The following KALRN variants were observed in gnomAD, a reference collection of about 807,000 sequenced individuals.
KALRN encodes the protein kalirin.
A neutral mutation model predicts 353.7 loss-of-function variants in KALRN; 70 were observed. That is an observed-to-expected ratio of 0.20 (90% CI 0.16 to 0.24). The LOEUF is 0.24. Ranked by LOEUF, KALRN falls within the 10% of genes least tolerant of loss-of-function variation. The probability of loss-of-function intolerance (pLI) is 1.00; values close to 1 mark genes in which losing one functional copy is unlikely to be tolerated. For synonymous variants in KALRN, 1,391 were observed against 1,434.8 expected (o/e 0.97, Z 0.69); for missense variants, 2,791 against 3,756.7 (o/e 0.74, Z 6.72).
At chr3:124,188,905 G>A (rs891282281) in intron 1 of KALRN, among the ~76,000 whole-genome samples, 9 of 152,186 alleles carry the variant, frequency 5.9e-5, no homozygotes, top group South Asian at 2.1e-4. Context: ...TAGATGCTGC[G>A]CGTGCTGTGG....
chr3:124,107,654 C>A (rs2062434078), intron 1 of KALRN, among the ~76,000 whole-genome samples: 1 of 152,154 alleles, frequency 6.6e-6, no homozygotes, highest in Non-Finnish European at 1.5e-5. Context: ...GGGAGAGAAT[C>A]CCAGACAAAT....
chr3:124,462,476 A>T (rs780983470), intron 24 of KALRN, 48 bp from the exon 25 acceptor site: 1 of 1,114,164 alleles, frequency 9.0e-7, no homozygotes, highest in Non-Finnish European at 1.4e-6. Flanking sequence ...TCTGTATTTT[A>T]TATGGCCTGC....
chr3:124,035,225 TTC>T (rs112624246), intron 1 of KALRN, among the ~76,000 whole-genome samples: 6 of 150,660 alleles, frequency 4.0e-5, no homozygotes, highest in African/African-American at 9.7e-5. Flanking sequence ...ATTTTCTTTC[TTC>T]TCTCTCTCTC....
At chr3:124,517,036 T>C (rs1261015120) in intron 33 of KALRN, among the ~76,000 whole-genome samples, 1 of 152,138 alleles carries the variant, frequency 6.6e-6, no homozygotes, top group Non-Finnish European at 1.5e-5. Flanking sequence ...CAGGTTAGTC[T>C]CGAACGCCTG....
chr3:124,344,624 A>G (rs1181970186), intron 9 of KALRN, among the ~76,000 whole-genome samples: 1 of 152,192 alleles, frequency 6.6e-6, no homozygotes, highest in Admixed American at 6.5e-5. Flanking sequence ...TTGCTTTTTG[A>G]TTTGTTAAAT....
In KALRN at chr3:124,643,257, C is replaced by T. The variant is rs1271125655; in HGVS notation, c.5664+5954C>T. ...CAAATTCCTAGCCTCAAGCAATTCT[C>T]CTGCAATGGCCTCCCAAAGTGCCAG... is the stretch of plus-strand genomic sequence containing the variant. On this transcript the variant is annotated intron_variant, in intron 37 of 59. Coordinates refer to ENST00000682506, the MANE Select transcript of KALRN (RefSeq NM_001388419.1). Among the ~76,000 whole-genome samples, 9 of 152,152 alleles carry T rather than the reference C, an allele frequency of 5.9e-5. No homozygotes were observed. The East Asian group carries it at 1.7e-3, about 29-fold the overall frequency.
chr3:124,170,342 C>G (rs1243889841), intron 1 of KALRN, among the ~76,000 whole-genome samples: 1 of 152,174 alleles, frequency 6.6e-6, no homozygotes, highest in African/African-American at 2.4e-5. Flanking sequence ...TTTATGTCAT[C>G]TTAGTTTTCA....
chr3:124,283,029 G>A (rs1004831967), intron 5 of KALRN, among the ~76,000 whole-genome samples: 2 of 152,196 alleles, frequency 1.3e-5, no homozygotes, highest in South Asian at 2.1e-4. Flanking sequence ...CCAAGAGAAG[G>A]GCTCCCACAG....
intron 1 of KALRN, among the ~76,000 whole-genome samples, chr3:124,044,739 A>T (rs563271863): frequency 6.6e-5 from 10 of 152,268 alleles, no homozygotes; most frequent in Non-Finnish European, 1.5e-4. Context: ...CTAGTATGAC[A>T]TATTACATGT....
intron 51 of KALRN, among the ~76,000 whole-genome samples, chr3:124,692,282 T>C (rs1211117401): frequency 6.6e-6 from 1 of 152,198 alleles, no homozygotes; most frequent in Non-Finnish European, 1.5e-5. Flanking sequence ...TGGCCAGAGT[T>C]GGGGCACTCA....
In KALRN at chr3:124,633,895, AC is replaced by A; in HGVS notation, c.5511del (p.His1837GlnfsTer8). 1 of 1,614,158 alleles carries A rather than the reference AC, an allele frequency of 6.2e-7. No individual in the cohort carries two copies. Among genetic ancestry groups the A allele is most frequent in the Non-Finnish European group, 8.5e-7 (1 of 1,180,016 alleles). The part of the protein sequence containing the change: ...WGEDEPDEES[H>X]TPLPPPMKIF... ...GAAGATGAGCCGGATGAAGAGTCACACACACCCCTCCCACCACCTATGAAGA... is the reference window on the plus strand; with the variant it reads ...GAAGATGAGCCGGATGAAGAGTCACAACACCCCTCCCACCACCTATGAAGA... On this transcript the variant is annotated frameshift_variant, in exon 36 of 60. Coordinates refer to ENST00000682506, the MANE Select transcript of KALRN (RefSeq NM_001388419.1). LOFTEE classifies it high-confidence loss of function.
intron 33 of KALRN, among the ~76,000 whole-genome samples, chr3:124,542,041 C>A (rs2069094348): frequency 6.6e-6 from 1 of 152,176 alleles, no homozygotes; most frequent in Non-Finnish European, 1.5e-5. Flanking sequence ...CCACCCTAGT[C>A]CAATCACCTG....
chr3:124,115,203 A>G (rs977965471), intron 1 of KALRN, among the ~76,000 whole-genome samples: 2 of 152,218 alleles, frequency 1.3e-5, no homozygotes, highest in African/African-American at 4.8e-5. Flanking sequence ...GTGAATGTGT[A>G]TGAAGGAGAT....
Position 124,658,526 on chromosome 3 carries a change from T to G in KALRN, c.6123+9T>G, listed in dbSNP as rs1578731220. 1 of 1,611,030 alleles carries G rather than the reference T, an allele frequency of 6.2e-7. No individual in the cohort carries two copies. Among genetic ancestry groups the G allele is most frequent in the Admixed American group, 1.7e-5 (1 of 59,992 alleles). ...ATGACGCCTACTTTGAGGTAAGCTG[T>G]GCAGGCTTTGCTGAACTGGGGTGGG... On this transcript the variant is annotated intron_variant, in intron 42 of 59. Coordinates refer to ENST00000682506, the MANE Select transcript of KALRN (RefSeq NM_001388419.1).
intron 1 of KALRN, among the ~76,000 whole-genome samples, chr3:124,164,842 G>C (rs1343746605): frequency 6.6e-6 from 1 of 152,192 alleles, no homozygotes; most frequent in African/African-American, 2.4e-5. Flanking sequence ...TAAGTCACAT[G>C]CAAGAAGCAG....
At chr3:124,138,843 A>G (rs2066268553) in intron 1 of KALRN, among the ~76,000 whole-genome samples, 1 of 152,168 alleles carries the variant, frequency 6.6e-6, no homozygotes, top group South Asian at 2.1e-4. Context: ...AGACCATGGT[A>G]TTCATCTCCA....
chr3:124,059,783 T>C lies in KALRN; in HGVS notation c.73+25970T>C, dbSNP rs138423990. On this transcript the variant is annotated intron_variant, in intron 1 of 59. Transcript: ENST00000682506. ...AAAGATATGACGTCATTTAAAGGAA[T>C]GGAGTGTGGTTTAAGGTTGAAACTG... Among the ~76,000 whole-genome samples, 461 of 152,312 alleles carry C rather than the reference T, an allele frequency of 3.0e-3. 1 individual carries two copies. The highest frequency in any genetic ancestry group is 4.6e-3 in the Non-Finnish European group (313 of 68,016).
chr3:124,109,181 G>T (rs1444651074), intron 1 of KALRN, among the ~76,000 whole-genome samples: 2 of 151,974 alleles, frequency 1.3e-5, no homozygotes, highest in Non-Finnish European at 2.9e-5. Context: ...TTGGAAGATT[G>T]TCAGTTATTA....
In KALRN at chr3:124,404,610, C is replaced by T. The variant is rs77799213; in HGVS notation, c.2346+5739C>T. 1.4e-3 allele frequency among the ~76,000 whole-genome samples: 202 copies of T among 147,370 alleles called. 1 individual carries two copies. Among genetic ancestry groups the T allele is most frequent in the African/African-American group, 4.8e-3 (193 of 40,208 alleles). ...AGTACACTGACTTAAAAAAAAAAAA[C>T]TTCAATGTCAGCTTTTATATTTTGT... On this transcript the variant is annotated intron_variant, in intron 13 of 59. Coordinates refer to ENST00000682506, the MANE Select transcript of KALRN (RefSeq NM_001388419.1).
Sources: allele counts gnomAD v4.1 joint callset (sites outside exome capture counted in the v4.1 genomes callset), GRCh38; gene constraint gnomAD v4.1.1; transcripts MANE v1.5; gene names NCBI Gene and HGNC (gene_info 2026-07-23, HGNC 2026-07-21).